The following RGPD4 variants were observed in gnomAD, a reference collection of about 807,000 sequenced individuals.
RGPD4 encodes ranBP2-like and GRIP domain-containing protein 4.
In RGPD4, 84 loss-of-function variants were observed where a neutral mutation model predicts 141.1. The ratio of observed to expected loss-of-function variants is 0.60; its 90% confidence interval spans 0.50 to 0.71. The LOEUF (loss-of-function observed/expected upper bound fraction) is 0.71. Ranked by LOEUF, RGPD4 falls within the 30% of genes least tolerant of loss-of-function variation. RGPD4 has a pLI of 0.00. For synonymous variants in RGPD4, 298 were observed against 566.8 expected, an observed-to-expected ratio of 0.53 and a Z score of 6.74; for missense variants, 918 against 1,622.4, an observed-to-expected ratio of 0.57 and a Z score of 7.46.
chr2:107,828,550 C>T (rs1454105103), intron 1 of RGPD4, among the ~76,000 whole-genome samples: 6 of 124,302 alleles, frequency 4.8e-5, no homozygotes, highest in South Asian at 5.2e-4. Context: ...TGGCTCCCGA[C>T]GGGCGCTGCT....
intron 22 of RGPD4, among the ~76,000 whole-genome samples, chr2:107,888,311 T>C (rs1351138355): frequency 7.3e-6 from 1 of 137,764 alleles, no homozygotes; most frequent in African/African-American, 2.8e-5. Flanking sequence ...CACAGCAAAA[T>C]TTTTATTTTG....
At position 107,827,066 on chromosome 2, in the gene RGPD4, C is replaced by A; in HGVS notation, c.53C>A (p.Ser18Tyr). The A allele has an allele frequency of 1.9e-6, 3 of 1,592,984 alleles. No individual in the cohort carries two copies. Among genetic ancestry groups the A allele is most frequent in the Non-Finnish European group, 2.6e-6 (3 of 1,171,038 alleles). ...GERYVASVQG[S>Y]APSPRKKSTR... Reference sequence around the variant, plus strand: ...CGGTACGTCGCCTCCGTGCAGGGCTCCGCCCCGTCGCCTCGAAAGGTGAGT... The same window carrying A: ...CGGTACGTCGCCTCCGTGCAGGGCTACGCCCCGTCGCCTCGAAAGGTGAGT... The change falls in exon 1 of 23, where the codon TCC (serine) becomes TAC (tyrosine). Residue 18 changes from serine to tyrosine, a missense_variant. By Grantham distance (144) the Ser-to-Tyr change is moderately radical. Coordinates refer to ENST00000408999, the MANE Select transcript of RGPD4 (RefSeq NM_182588.3).
At chr2:107,854,000 T>C (rs1241405414) in intron 7 of RGPD4, among the ~76,000 whole-genome samples, 8 of 146,278 alleles carry the variant, frequency 5.5e-5, no homozygotes, top group Non-Finnish European at 7.5e-5. Flanking sequence ...CCCCCCACCT[T>C]GGCCTCCCAA....
In RGPD4 at chr2:107,872,046, T is replaced by C; in HGVS notation, c.4042T>C (p.Ser1348Pro). Reference protein sequence around the residue: ...VVPLPDLVEVSSGEENEKVVF... With the variant: ...VVPLPDLVEVPSGEENEKVVF... Reference sequence around the variant, plus strand: ...TCCTTTACCTGATCTAGTTGAAGTATCCAGTGGTGAGGAAAATGAAAAAGT... The same window carrying C: ...TCCTTTACCTGATCTAGTTGAAGTACCCAGTGGTGAGGAAAATGAAAAAGT... The change falls in exon 20 of 23, where the codon TCC (serine) becomes CCC (proline). Residue 1348 changes from serine (S) to proline (P), a missense_variant. Ser to Pro is a moderately conservative substitution (Grantham distance 74). Coordinates refer to ENST00000408999, the MANE Select transcript of RGPD4 (RefSeq NM_182588.3). 1.2e-6 allele frequency: 2 copies of C among 1,611,476 alleles called. No individual in the cohort carries two copies.
chr2:107,884,227 C>T (rs1365543396), intron 22 of RGPD4, among the ~76,000 whole-genome samples: 3 of 152,208 alleles, frequency 2.0e-5, no homozygotes, highest in African/African-American at 7.2e-5. Context: ...TCTCCTGCCT[C>T]GGCCTCCCAA....
chr2:107,883,223 C>G (rs1472665923), intron 22 of RGPD4: 1 of 444,456 alleles, frequency 2.2e-6, no homozygotes, highest in Admixed American at 2.6e-5. Flanking sequence ...TGTTCCTTTT[C>G]TACTTCACCC....
Position 107,881,301 on chromosome 2 carries a change from A to G in RGPD4, c.5064+1194A>G, listed in dbSNP as rs943501690. ...TCACTAACTAGCCCAGTAAACCTAAATGACTTATTTAAATGTTATATTTTC... is the reference window on the plus strand; with the variant it reads ...TCACTAACTAGCCCAGTAAACCTAAGTGACTTATTTAAATGTTATATTTTC... On this transcript the variant is annotated intron_variant, in intron 21 of 22. Transcript: ENST00000408999. Among the ~76,000 whole-genome samples the G allele has an allele frequency of 1.5e-4, 23 of 149,206 alleles. 2 individuals carry two copies. The highest frequency in any genetic ancestry group is 2.0e-4 in the Admixed American group (3 of 14,946).
intron 6 of RGPD4, among the ~76,000 whole-genome samples, chr2:107,846,686 T>C (rs1211795676): frequency 6.7e-6 from 1 of 149,422 alleles, no homozygotes; most frequent in Non-Finnish European, 1.5e-5. Flanking sequence ...TAGGCTGGTC[T>C]TGAACTCCTG....
At chr2:107,849,671 T>A (rs1178250717) in intron 7 of RGPD4, among the ~76,000 whole-genome samples, 4 of 49,718 alleles carry the variant, frequency 8.0e-5, no homozygotes, top group African/African-American at 2.7e-4. Flanking sequence ...ATGCCCAGCC[T>A]TTTTTTTTTT....
In RGPD4 at chr2:107,846,597, G is replaced by C. The variant is rs765090351; in HGVS notation, c.783-1744G>C. ...TTCTCCTGCCTCAGCCTCCCAAGTA[G>C]CTGGAATTACAGGTGCCCACCACCA... On this transcript the variant is annotated intron_variant, in intron 6 of 22. Transcript: ENST00000408999. Among the ~76,000 whole-genome samples, 755 of 149,250 alleles carry C rather than the reference G, an allele frequency of 5.1e-3. 6 individuals are homozygous for C. Among genetic ancestry groups the C allele is most frequent in the Non-Finnish European group, 7.5e-3 (506 of 67,442 alleles).
Position 107,861,651 on chromosome 2 carries a change from G to T in RGPD4, c.2116G>T (p.Glu706Ter). The T allele has an allele frequency of 6.2e-7, 1 of 1,608,504 alleles. No homozygotes were observed. Among genetic ancestry groups the T allele is most frequent in the Non-Finnish European group, 8.5e-7 (1 of 1,178,872 alleles). The change falls in exon 15 of 23, where the codon GAA becomes TAA. Residue 706 changes from glutamate to a stop codon, truncating the protein, a stop_gained. Transcript: ENST00000408999. LOFTEE classifies it high-confidence loss of function. ...TGATGCCCTTTCTCCTGAAGAACAA[G>T]AAGAATGCAAAAATTATCTGAGAAA... ...ANDALSPEEQ[E>*]ECKNYLRKTR...
chr2:107,826,996 A>G lies in RGPD4; in HGVS notation c.-18A>G. ...GAGCGCTGGTTTCACGCGTCTCGGG[A>G]GCCAGGTTGGTGGCGCGATGAGTTG... On this transcript the variant is annotated 5_prime_UTR_variant, in exon 1 of 23. Coordinates refer to ENST00000408999, the MANE Select transcript of RGPD4 (RefSeq NM_182588.3). 6.3e-7 allele frequency: 1 copy of G among 1,593,658 alleles called. No individual in the cohort carries two copies. The highest frequency in any genetic ancestry group is 1.1e-5 in the South Asian group (1 of 87,362).
intron 7 of RGPD4, among the ~76,000 whole-genome samples, chr2:107,851,278 A>G (rs1342823637): frequency 3.5e-5 from 3 of 85,194 alleles, no homozygotes; most frequent in Admixed American, 1.0e-4. Flanking sequence ...GCCTGGCTAC[A>G]TTGTTAAATT....
intron 21 of RGPD4, among the ~76,000 whole-genome samples, chr2:107,880,966 G>A (rs922413276): frequency 1.3e-5 from 2 of 151,728 alleles, no homozygotes; most frequent in Non-Finnish European, 1.5e-5. Flanking sequence ...CCAGGCCCTG[G>A]GCTCTACATA....
At chr2:107,852,328 T>G (rs1464478174) in intron 7 of RGPD4, among the ~76,000 whole-genome samples, 402 of 151,994 alleles carry the variant, frequency 2.6e-3, no homozygotes, top group African/African-American at 9.3e-3. Flanking sequence ...GGTCACAAAT[T>G]CAACTGTTGA....
intron 1 of RGPD4, among the ~76,000 whole-genome samples, chr2:107,828,784 C>T (rs1681344606): frequency 3.8e-5 from 1 of 26,092 alleles, no homozygotes; most frequent in South Asian, 2.0e-3. Flanking sequence ...TCCTGACGGG[C>T]GCTGCTCCCT....
chr2:107,856,107 G>A (rs2104448961), intron 8 of RGPD4, among the ~76,000 whole-genome samples: 1 of 128,678 alleles, frequency 7.8e-6, no homozygotes, highest in Non-Finnish European at 1.6e-5. Context: ...GGGCTGGAGT[G>A]CAGTGGCGTG....
Position 107,869,815 on chromosome 2 carries a change from G to A in RGPD4, c.2606-68G>A, listed in dbSNP as rs575376354. 17 of 1,530,354 alleles carry A rather than the reference G, an allele frequency of 1.1e-5. No individual in the cohort carries two copies. In the South Asian group the frequency reaches 2.1e-4, roughly 19 times the overall value. 94.8% of individuals were successfully genotyped at this position (1,530,354 alleles called of 1,614,324 possible). On this transcript the variant is annotated intron_variant, in intron 18 of 22. Transcript: ENST00000408999. ...TATTGCTTTTGTATTTGTAGCTCTT[G>A]ACTAGATAGTCTTAACTGTAGTATA...
chr2:107,881,060 A>G (rs1453431242), intron 21 of RGPD4, among the ~76,000 whole-genome samples: 1 of 151,212 alleles, frequency 6.6e-6, no homozygotes, highest in Non-Finnish European at 1.5e-5. Flanking sequence ...GCTGTCTGAA[A>G]AGTACATGCT....
Sources: gnomAD v4.1 joint callset for allele counts (sites outside exome capture counted in the v4.1 genomes callset) on GRCh38, gnomAD v4.1.1 for gene constraint, MANE v1.5 for transcripts, NCBI Gene and HGNC (gene_info 2026-07-23, HGNC 2026-07-21) for gene names.